ATF6: variants seen among roughly 807,000 people sequenced by gnomAD.
The protein encoded by ATF6 is cyclic AMP-dependent transcription factor ATF-6 alpha.
ATF6 carries 53 observed loss-of-function variants against 83.6 expected under a neutral mutation model. The observed-to-expected ratio is 0.63, with a 90% confidence interval of 0.51 to 0.80. ATF6 has a LOEUF of 0.80. Ranked by LOEUF, ATF6 falls within the 30% of genes least tolerant of loss-of-function variation. The probability of loss-of-function intolerance (pLI) is 0.00; values close to 1 mark genes in which losing one functional copy is unlikely to be tolerated. For missense variants in ATF6, 744 were observed against 797.9 expected (o/e 0.93, Z 0.81); for synonymous variants, 288 against 285.8 (o/e 1.01, Z -0.08).
At chr1:161,874,088 C>G (rs1237584516) in intron 14 of ATF6, among the ~76,000 whole-genome samples, 1 of 151,596 alleles carries the variant, frequency 6.6e-6, no homozygotes, top group African/African-American at 2.4e-5. Flanking sequence ...TTTTAAAAGT[C>G]TAAGTGCCAT....
At chr1:161,884,573 G>C (rs1019904297) in intron 14 of ATF6, among the ~76,000 whole-genome samples, 5 of 151,678 alleles carry the variant, frequency 3.3e-5, no homozygotes, top group Admixed American at 3.3e-4. Context: ...ATTGGATTAA[G>C]AAATTCAATA....
chr1:161,807,759 G>T (rs555137180), intron 7 of ATF6, among the ~76,000 whole-genome samples: 2 of 146,748 alleles, frequency 1.4e-5, no homozygotes, highest in East Asian at 2.0e-4. Context: ...GCTTTTTTTT[G>T]TTGTTGTTTA....
rs12405289 is a variant in ATF6, at chr1:161,846,318, G to T, written c.1188-131G>T. ...CCTTCAGTACCCTATTTGTACTTGC[G>T]TCTATGCCTAGCATTTTTGTTACGT... On this transcript the variant is annotated intron_variant, in intron 9 of 15. Transcript: ENST00000367942. 109,336 of 971,780 alleles carry T rather than the reference G, an allele frequency of 0.11. 8,951 individuals are homozygous for T. The highest frequency in any genetic ancestry group is 0.34 in the East Asian group (11,343 of 33,180). The allele number at this position is 971,780 out of a possible 1,614,324, so 60.2% of individuals were successfully genotyped here. A position where few individuals can be genotyped will look rare whatever the true frequency, so the allele number is the denominator to read the frequency against.
In ATF6 at chr1:161,866,406, T is replaced by C. The variant is rs1687000987; in HGVS notation, c.1719+3094T>C. 6.6e-5 allele frequency among the ~76,000 whole-genome samples: 10 copies of C among 152,304 alleles called. No individual in the cohort carries two copies. The South Asian group carries it at 1.9e-3, about 28-fold the overall frequency. On this transcript the variant is annotated intron_variant, in intron 14 of 15. Transcript: ENST00000367942. Reference sequence around the variant, plus strand: ...TCTCTAAAGCAGACACACTCTTGGATAACTACTGAGTTCCTGTTATAGCTC... The same window carrying C: ...TCTCTAAAGCAGACACACTCTTGGACAACTACTGAGTTCCTGTTATAGCTC...
chr1:161,767,230 G>C (rs1320936275), intron 1 of ATF6, among the ~76,000 whole-genome samples: 3 of 152,114 alleles, frequency 2.0e-5, no homozygotes, highest in Non-Finnish European at 4.4e-5. Context: ...GGGCCCGCTA[G>C]TGAGCCTACA....
chr1:161,864,158 G>A (rs1304327758), intron 14 of ATF6, among the ~76,000 whole-genome samples: 4 of 151,940 alleles, frequency 2.6e-5, no homozygotes, highest in African/African-American at 9.7e-5. Flanking sequence ...GTGATACTGA[G>A]TAGCTGGCTT....
At chr1:161,927,992 TG>T (rs1382085528) in intron 15 of ATF6, among the ~76,000 whole-genome samples, 4 of 152,224 alleles carry the variant, frequency 2.6e-5, no homozygotes, top group African/African-American at 9.6e-5. Flanking sequence ...AGTTTTAAGT[TG>T]TACATTCAGG....
intron 14 of ATF6, among the ~76,000 whole-genome samples, chr1:161,896,200 C>T (rs1343800224): frequency 6.6e-6 from 1 of 152,108 alleles, no homozygotes; most frequent in Non-Finnish European, 1.5e-5. Context: ...CTCTACCTCC[C>T]GGTTTCAAGT....
At chr1:161,950,011 T>C (rs1428200883) in intron 15 of ATF6, among the ~76,000 whole-genome samples, 1 of 152,260 alleles carries the variant, frequency 6.6e-6, no homozygotes. Context: ...TATGGGGTTT[T>C]GGTCTAAAAT....
At chr1:161,811,434 T>C (rs1685452913) in intron 7 of ATF6, among the ~76,000 whole-genome samples, 1 of 152,202 alleles carries the variant, frequency 6.6e-6, no homozygotes, top group Non-Finnish European at 1.5e-5. Flanking sequence ...GTCTTATGGC[T>C]TCTTATAACT....
chr1:161,800,051 C>T (rs1291680389), intron 6 of ATF6, among the ~76,000 whole-genome samples: 1 of 152,088 alleles, frequency 6.6e-6, no homozygotes, highest in African/African-American at 2.4e-5. Flanking sequence ...GCAAGGCTTT[C>T]AGCACCTTAT....
rs188761317 is a variant in ATF6 at position 161,811,484 on chromosome 1, C to G, written c.910-8149C>G. Among the ~76,000 whole-genome samples the G allele has an allele frequency of 4.8e-3, 727 of 152,208 alleles. 5 individuals carry two copies. Among genetic ancestry groups the G allele is most frequent in the Non-Finnish European group, 6.7e-3 (455 of 68,012 alleles). On this transcript the variant is annotated intron_variant, in intron 7 of 15. Coordinates refer to ENST00000367942, the MANE Select transcript of ATF6 (RefSeq NM_007348.4). ...CACTGCGGTTGTGTGTGTGTGCTGA[C>G]ACATGTTAAACTTTGGTTATTGTAT...
chr1:161,852,156 G>T (rs549270965), intron 11 of ATF6, among the ~76,000 whole-genome samples: 5 of 152,180 alleles, frequency 3.3e-5, no homozygotes, highest in African/African-American at 2.4e-5. Flanking sequence ...CAATTAGGAA[G>T]ATAATAATTT....
chr1:161,914,460 G>A (rs1249592384), intron 15 of ATF6, among the ~76,000 whole-genome samples: 2 of 152,182 alleles, frequency 1.3e-5, no homozygotes, highest in Admixed American at 6.5e-5. Flanking sequence ...TCATCCTGCT[G>A]TCTAACTTCA....
chr1:161,917,567 C>T lies in ATF6; in HGVS notation c.1804+5187C>T, dbSNP rs532491178. Among the ~76,000 whole-genome samples, 28 of 152,190 alleles carry T rather than the reference C, an allele frequency of 1.8e-4. No individual in the cohort carries two copies. In the South Asian group the frequency reaches 4.4e-3, roughly 24 times the overall value. On this transcript the variant is annotated intron_variant, in intron 15 of 15. Transcript: ENST00000367942. ...TCCCGAGTAGCTGGGACTACAGGCG[C>T]CTGCCACCACGCCCGGCTAATTTTT...
chr1:161,831,304 G>A (rs1209985163), intron 9 of ATF6, among the ~76,000 whole-genome samples: 1 of 152,190 alleles, frequency 6.6e-6, no homozygotes, highest in African/African-American at 2.4e-5. Context: ...AACAGGTGCT[G>A]TAGAGGATGT....
At chr1:161,899,863 C>T (rs1002812679) in intron 14 of ATF6, among the ~76,000 whole-genome samples, 1 of 152,104 alleles carries the variant, frequency 6.6e-6, no homozygotes, top group African/African-American at 2.4e-5. Context: ...GTTGAAGAAA[C>T]GTCTCAGATC....
intron 4 of ATF6, among the ~76,000 whole-genome samples, chr1:161,789,692 G>A (rs569071996): frequency 6.6e-5 from 10 of 152,256 alleles, no homozygotes; most frequent in South Asian, 4.1e-4. Context: ...GGACTTGGCT[G>A]TATAATTACT....
At chr1:161,824,196 T>C (rs543390334) in intron 9 of ATF6, among the ~76,000 whole-genome samples, 9 of 152,266 alleles carry the variant, frequency 5.9e-5, no homozygotes, top group African/African-American at 1.7e-4. Flanking sequence ...CATTGGCCTG[T>C]GTGCTCTTCC....
Sources: allele counts gnomAD v4.1 joint callset (sites outside exome capture counted in the v4.1 genomes callset), GRCh38; gene constraint gnomAD v4.1.1; transcripts MANE v1.5; gene names NCBI Gene and HGNC (gene_info 2026-07-23, HGNC 2026-07-21).